DUSP8: variants seen among roughly 807,000 people sequenced by gnomAD.
The protein encoded by DUSP8 is dual specificity phosphatase 8.
A neutral mutation model predicts 38.7 loss-of-function variants in DUSP8; 15 were observed. The ratio of observed to expected loss-of-function variants is 0.39; its 90% CI spans 0.26 to 0.60. The LOEUF is 0.60. Among genes scored for constraint, DUSP8 ranks in the 20% least tolerant of loss-of-function variants. The pLI, the probability that DUSP8 is intolerant of heterozygous loss-of-function variation, is 0.56. For missense variants in DUSP8, 768 were observed against 915.0 expected, an observed-to-expected ratio of 0.84 and a Z score of 2.07; for synonymous variants, 458 against 433.9, an observed-to-expected ratio of 1.06 and a Z score of -0.69.
At chr11:1,563,260 G>A (rs142041942) in intron 3 of DUSP8, among the ~76,000 whole-genome samples, 101 of 152,314 alleles carry the variant, frequency 6.6e-4, no homozygotes, top group Non-Finnish European at 1.1e-3. Flanking sequence ...CTACAGACAC[G>A]CCCTCAGCCA....
chr11:1,559,123 T>A (rs1848681008), intron 3 of DUSP8, 68 bp from the exon 4 acceptor site: 1 of 1,501,946 alleles, frequency 6.7e-7, no homozygotes, highest in Admixed American at 2.0e-5. Flanking sequence ...TAGGGTGCCC[T>A]GTCCGCCTAG....
Position 1,558,042 on chromosome 11 carries a change from T to A in DUSP8, c.697+70A>T. 6.2e-7 allele frequency: 1 copy of A among 1,611,276 alleles called. No individual in the cohort carries two copies. Among genetic ancestry groups the A allele is most frequent in the Non-Finnish European group, 8.5e-7 (1 of 1,179,106 alleles). On this transcript the variant is annotated intron_variant, in intron 5 of 6. Transcript: ENST00000397374. The surrounding 1 kb of genome is among the most constrained non-coding windows in gnomAD (Gnocchi z 6.3). ...GGCTACTTCCTGGGGACCCCTCCTG[T>A]GTCTGTGGCCACACACAGCTCTAGC...
At position 1,557,101 on chromosome 11, in the gene DUSP8, G is replaced by A; in HGVS notation, c.1295C>T (p.Ala432Val). ...CGGGCTGGGCGAGGACAGGCCCAGC[G>A]CGGCCCCCGACGGGCTGTCCAGCTT... ...LCKLDSPSGA[A>V]LGLSSPSPDS... The change falls in exon 7 of 7, where the codon GCG becomes GTG. Residue 432 changes from alanine to valine, a missense_variant. Transcript: ENST00000397374. The surrounding 1 kb of genome is among the most constrained non-coding windows in gnomAD (Gnocchi z 9.9). 7.3e-7 allele frequency: 1 copy of A among 1,362,304 alleles called. No individual in the cohort carries two copies. The highest frequency in any genetic ancestry group is 9.4e-7 in the Non-Finnish European group (1 of 1,065,794). 84.4% of individuals were successfully genotyped at this position (1,362,304 alleles called of 1,614,324 possible). A position where few individuals can be genotyped will look rare whatever the true frequency, so the allele number is the denominator to read the frequency against.
chr11:1,557,657 A>G lies in DUSP8; in HGVS notation c.822-83T>C. On this transcript the variant is annotated intron_variant, in intron 6 of 6. Transcript: ENST00000397374. The surrounding 1 kb of genome is among the most constrained non-coding windows in gnomAD (Gnocchi z 9.9). ...GCACCCGCTGGGCACCCACGAGCTC[A>G]TGTGCGCCAGGCTGGTCTCAGGCCC... is the stretch of plus-strand genomic sequence containing the variant. 2 of 1,537,828 alleles carry G rather than the reference A, an allele frequency of 1.3e-6. No homozygotes were observed. The highest frequency in any genetic ancestry group is 1.8e-6 in the Non-Finnish European group (2 of 1,142,158).
rs2133431008 is a variant in DUSP8, at chr11:1,557,986, G to A, written c.698-69C>T. On this transcript the variant is annotated intron_variant, in intron 5 of 6. Coordinates refer to ENST00000397374, the MANE Select transcript of DUSP8 (RefSeq NM_004420.3). This position sits in a 1 kb window ranked among gnomAD's most constrained non-coding sequence, Gnocchi z 9.9. ...ACAGCTTCTCCCTGGCCCAGGTAGG[G>A]GACCCCACCCGCCCAACTGCCAACA... 2 of 1,610,884 alleles carry A rather than the reference G, an allele frequency of 1.2e-6. No individual in the cohort carries two copies. The highest frequency in any genetic ancestry group is 1.7e-6 in the Non-Finnish European group (2 of 1,178,290).
chr11:1,556,530 G>A lies in DUSP8; in HGVS notation c.1866C>T (p.Ile622=), dbSNP rs953435699. 1.5e-5 allele frequency: 20 copies of A among 1,326,854 alleles called. No individual in the cohort carries two copies. Among genetic ancestry groups the A allele is most frequent in the African/African-American group, 6.0e-5 (4 of 66,162 alleles). 82.2% of individuals were successfully genotyped at this position (1,326,854 alleles called of 1,614,324 possible). A position where few individuals can be genotyped will look rare whatever the true frequency, so the allele number is the denominator to read the frequency against. ...GGCAGCGGAGGGGTCAGGACACCTCGATGACCTCCACGCTGCCCGAGAAGC... is the reference window on the plus strand; with the variant it reads ...GGCAGCGGAGGGGTCAGGACACCTCAATGACCTCCACGCTGCCCGAGAAGC... ...QASFSGSVEV[I]EVS is the part of the protein sequence containing the mutation. Residue 622 remains isoleucine, a synonymous_variant, in exon 7 of 7, where the codon ATC becomes ATT. Transcript: ENST00000397374. This position sits in a 1 kb window ranked among gnomAD's most constrained non-coding sequence, Gnocchi z 5.2.
At chr11:1,559,232 T>C (rs1034012672) in intron 3 of DUSP8, 177 bp from the exon 4 acceptor site, 3 of 570,290 alleles carry the variant, frequency 5.3e-6, no homozygotes, top group Admixed American at 3.8e-5. Flanking sequence ...CTGCCCGCGG[T>C]GGGGGGAGGG....
At chr11:1,569,396 T>G (rs1428905800) in intron 1 of DUSP8, among the ~76,000 whole-genome samples, 1 of 151,954 alleles carries the variant, frequency 6.6e-6, no homozygotes. Context: ...ACACACCTCT[T>G]TGCACACCCA....
At chr11:1,566,289 C>T (rs992359045) in intron 1 of DUSP8, among the ~76,000 whole-genome samples, 5 of 152,092 alleles carry the variant, frequency 3.3e-5, no homozygotes, top group Non-Finnish European at 7.4e-5. Context: ...TCTTTTCCAC[C>T]ACAGGACCCC....
At position 1,556,442 on chromosome 11, in the gene DUSP8, C is replaced by T; in HGVS notation, c.*76G>A. On this transcript the variant is annotated 3_prime_UTR_variant, in exon 7 of 7. Coordinates refer to ENST00000397374, the MANE Select transcript of DUSP8 (RefSeq NM_004420.3). The surrounding 1 kb of genome is among the most constrained non-coding windows in gnomAD (Gnocchi z 5.2). ...TAAAAATCCCAGTAAAACCATTTACCTTTCTTTGCATTATATATAATATAC... is the reference window on the plus strand; with the variant it reads ...TAAAAATCCCAGTAAAACCATTTACTTTTCTTTGCATTATATATAATATAC... The T allele has an allele frequency of 7.3e-6, 9 of 1,229,820 alleles. No individual in the cohort carries two copies. Among genetic ancestry groups the T allele is most frequent in the Admixed American group, 4.2e-5 (1 of 23,676 alleles). 76.2% of individuals were successfully genotyped at this position (1,229,820 alleles called of 1,614,324 possible). A position where few individuals can be genotyped will look rare whatever the true frequency, so the allele number is the denominator to read the frequency against.
At chr11:1,564,807 G>A (rs763431136) in intron 2 of DUSP8, among the ~76,000 whole-genome samples, 1 of 152,188 alleles carries the variant, frequency 6.6e-6, no homozygotes, top group Admixed American at 6.5e-5. Flanking sequence ...TGGGGTGGGC[G>A]GACTCCTGGC....
At chr11:1,568,421 T>C (rs1396897702) in intron 1 of DUSP8, among the ~76,000 whole-genome samples, 1 of 152,154 alleles carries the variant, frequency 6.6e-6, no homozygotes, top group East Asian at 1.9e-4. Flanking sequence ...GGCCCTGCTC[T>C]GCCTCCTAAG....
Position 1,556,229 on chromosome 11 carries a change from A to C in DUSP8, c.*289T>G. ...CAGCAGTGTTTCCTGGGGCGGGGGA[A>C]CTGGGAGGGGCCCCAGGCCTGGCAC... On this transcript the variant is annotated 3_prime_UTR_variant, in exon 7 of 7. Transcript: ENST00000397374. The surrounding 1 kb of genome is among the most constrained non-coding windows in gnomAD (Gnocchi z 5.2). 3.7e-5 allele frequency: 11 copies of C among 296,314 alleles called. No individual in the cohort carries two copies. The highest frequency in any genetic ancestry group is 5.5e-5 in the Non-Finnish European group (9 of 163,172). The allele number at this position is 296,314 out of a possible 1,614,324, so 18.4% of individuals were successfully genotyped here. A position where few individuals can be genotyped will look rare whatever the true frequency, so the allele number is the denominator to read the frequency against.
rs1378424451 is a variant in DUSP8 at position 1,563,791 on chromosome 11, A to G, written c.370+60T>C. ...GACACCTCCCTGATGCCCCAGCCCC[A>G]GCCCCAGCCCCACTGCTGGCGGAGC... On this transcript the variant is annotated intron_variant, in intron 3 of 6. Coordinates refer to ENST00000397374, the MANE Select transcript of DUSP8 (RefSeq NM_004420.3). 5.8e-5 allele frequency: 83 copies of G among 1,421,758 alleles called. 1 individual carries two copies. The highest frequency in any genetic ancestry group is 4.6e-6 in the Non-Finnish European group (5 of 1,079,950). 88.1% of individuals were successfully genotyped at this position (1,421,758 alleles called of 1,614,324 possible).
In DUSP8 at chr11:1,572,268, G is replaced by C. The variant is rs926763723; in HGVS notation, c.-476C>G. 2.0e-5 allele frequency among the ~76,000 whole-genome samples: 3 copies of C among 148,640 alleles called. No individual in the cohort carries two copies. Among genetic ancestry groups the C allele is most frequent in the Admixed American group, 6.7e-5 (1 of 14,984 alleles). On this transcript the variant is annotated 5_prime_UTR_variant, in exon 1 of 7. Coordinates refer to ENST00000397374, the MANE Select transcript of DUSP8 (RefSeq NM_004420.3). This position sits in a 1 kb window ranked among gnomAD's most constrained non-coding sequence, Gnocchi z 4.7. ...CGGCTCGGCCGCCGCGCTCGGCCGC[G>C]AGTGACAGGCCCGGGGCGGAGGGCG...
Position 1,557,440 on chromosome 11 carries a change from G to T in DUSP8, c.956C>A (p.Pro319His). 6.4e-7 allele frequency: 1 copy of T among 1,563,126 alleles called. No homozygotes were observed. The change falls in exon 7 of 7, where the codon CCT (proline) becomes CAT (histidine). Residue 319 changes from proline (P) to histidine (H), a missense_variant. By Grantham distance (77) the Pro-to-His change is moderately conservative (BLOSUM62 -2). This residue lies in a region of DUSP8 where 474 missense variants were observed against 430.8 expected (regional missense o/e 1.10). Transcript: ENST00000397374. The surrounding 1 kb of genome is among the most constrained non-coding windows in gnomAD (Gnocchi z 9.9). Reference protein sequence around the residue: ...DPGTPSGTPEPPPSPAAGAPL... With the variant: ...DPGTPSGTPEHPPSPAAGAPL... Reference sequence around the variant, plus strand: ...GGCCCCGGCGGCAGGACTGGGCGGAGGCTCCGGCGTCCCTGAGGGGGTGCC... The same window carrying T: ...GGCCCCGGCGGCAGGACTGGGCGGATGCTCCGGCGTCCCTGAGGGGGTGCC...
Position 1,554,685 on chromosome 11 carries a change from C to T in DUSP8, c.*1833G>A, listed in dbSNP as rs548926420. ...CCAGTGGCCCCAGACCACTGTCTCC[C>T]GGACAGCACAGGGGTGGGGGGCGAG... On this transcript the variant is annotated 3_prime_UTR_variant, in exon 7 of 7. Transcript: ENST00000397374. 147 of 964,310 alleles carry T rather than the reference C, an allele frequency of 1.5e-4. No homozygotes were observed. Among genetic ancestry groups the T allele is most frequent in the Non-Finnish European group, 1.7e-4 (141 of 808,722 alleles). 59.7% of individuals were successfully genotyped at this position (964,310 alleles called of 1,614,324 possible).
At chr11:1,562,641 A>G (rs1264674950) in intron 3 of DUSP8, among the ~76,000 whole-genome samples, 1 of 152,190 alleles carries the variant, frequency 6.6e-6, no homozygotes, top group Non-Finnish European at 1.5e-5. Context: ...AGGCATGCAT[A>G]TGCCCATACA....
intron 1 of DUSP8, among the ~76,000 whole-genome samples, chr11:1,568,621 G>C (rs1198753454): frequency 6.6e-6 from 1 of 152,114 alleles, no homozygotes; most frequent in African/African-American, 2.4e-5. Context: ...GCCCCTCCCT[G>C]CTCTCTCCTA....
Sources: gnomAD v4.1 joint callset for allele counts (sites outside exome capture counted in the v4.1 genomes callset) on GRCh38, gnomAD v4.1.1 for gene constraint, gnomAD v4.1.1 regional missense constraint, Gnocchi (gnomAD v3.1) non-coding constraint, MANE v1.5 for transcripts, NCBI Gene and HGNC (gene_info 2026-07-23, HGNC 2026-07-21) for gene names.